The following QSER1 variants were observed in gnomAD, a reference collection of about 807,000 sequenced individuals.
QSER1 encodes the protein glutamine and serine-rich protein 1.
QSER1 carries 49 observed loss-of-function variants against 158.5 expected under a neutral mutation model. The ratio of observed to expected loss-of-function variants is 0.31; its 90% confidence interval spans 0.25 to 0.39. The LOEUF (loss-of-function observed/expected upper bound fraction) is 0.39. Among genes scored for constraint, QSER1 ranks in the 10% least tolerant of loss-of-function variants. The pLI, the probability that QSER1 is intolerant of heterozygous loss-of-function variation, is 1.00. For missense variants in QSER1, 1,754 were observed against 2,010.3 expected (o/e 0.87, Z 2.44); for synonymous variants, 650 against 715.5 (o/e 0.91, Z 1.46).
At chr11:32,973,930 G>A (rs1177318806) in intron 11 of QSER1, among the ~76,000 whole-genome samples, 2 of 152,248 alleles carry the variant, frequency 1.3e-5, no homozygotes, top group South Asian at 4.1e-4. Context: ...TGCATTACTT[G>A]TAATATAGGT....
chr11:32,904,956 T>C (rs1002550334), intron 1 of QSER1, among the ~76,000 whole-genome samples: 1 of 152,230 alleles, frequency 6.6e-6, no homozygotes, highest in East Asian at 1.9e-4. Context: ...AGCTGTGTTT[T>C]CCCCCACTTG....
intron 1 of QSER1, among the ~76,000 whole-genome samples, chr11:32,900,907 A>G (rs1851616437): frequency 6.6e-6 from 1 of 152,194 alleles, no homozygotes; most frequent in Admixed American, 6.5e-5. Flanking sequence ...TCTTCAGAGC[A>G]TTCTCACTCT....
chr11:32,932,144 A>G lies in QSER1; in HGVS notation c.886A>G (p.Ser296Gly). The G allele has an allele frequency of 1.2e-6, 2 of 1,614,172 alleles. No homozygotes were observed. Among genetic ancestry groups the G allele is most frequent in the Non-Finnish European group, 1.7e-6 (2 of 1,180,028 alleles). Reference sequence around the variant, plus strand: ...ATCCCAGCAGACTCCTCAAGCCTACAGTTCAACTCTCTTTACTAGTTCTAC... The same window carrying G: ...ATCCCAGCAGACTCCTCAAGCCTACGGTTCAACTCTCTTTACTAGTTCTAC... ...GGSQQTPQAY[S>G]STLFTSSTAS... The change falls in exon 4 of 13, where the codon AGT (serine) becomes GGT (glycine). Residue 296 changes from serine (S) to glycine (G), a missense_variant. Around this residue, in one of 2 missense-constraint regions of QSER1, gnomAD observed 1,707 missense variants for 1,919.6 expected, o/e 0.89. Coordinates refer to ENST00000650167, the MANE Select transcript of QSER1 (RefSeq NM_001076786.3).
intron 1 of QSER1, among the ~76,000 whole-genome samples, chr11:32,914,539 C>A (rs536354140): frequency 6.6e-6 from 1 of 152,288 alleles, no homozygotes; most frequent in South Asian, 2.1e-4. Context: ...TAACTTATTA[C>A]TTGTGTGCAA....
At chr11:32,972,436 T>TATTC (rs1402634054) in intron 10 of QSER1, among the ~76,000 whole-genome samples, 9 of 151,050 alleles carry the variant, frequency 6.0e-5, no homozygotes, top group African/African-American at 2.2e-4. Context: ...TTTATTTATT[T>TATTC]ATTTATTTAT....
chr11:32,960,658 A>T (rs1372350381), intron 8 of QSER1, among the ~76,000 whole-genome samples: 7 of 152,246 alleles, frequency 4.6e-5, no homozygotes. Context: ...TGCAGTTAGC[A>T]GTCTTGCCTA....
chr11:32,918,429 T>C (rs1363131302), intron 1 of QSER1, among the ~76,000 whole-genome samples: 3 of 151,616 alleles, frequency 2.0e-5, no homozygotes, highest in Non-Finnish European at 4.4e-5. Context: ...CAGGGAAATC[T>C]TGAGAGGTGA....
At position 32,925,200 on chromosome 11, in the gene QSER1, A is replaced by G. The variant is rs138630021; in HGVS notation, c.210-1957A>G. On this transcript the variant is annotated intron_variant, in intron 1 of 12. Coordinates refer to ENST00000650167, the MANE Select transcript of QSER1 (RefSeq NM_001076786.3). ...AATGTTGCAATGAACATGCAAGTCA[A>G]TGTCTTTTTGGTAGAATGACTTGTT... is the stretch of plus-strand genomic sequence containing the variant. Among the ~76,000 whole-genome samples, 3 of 152,324 alleles carry G rather than the reference A, an allele frequency of 2.0e-5. No individual in the cohort carries two copies. The East Asian group carries it at 5.8e-4, about 29-fold the overall frequency.
At chr11:32,916,978 G>T (rs943495288) in intron 1 of QSER1, among the ~76,000 whole-genome samples, 1 of 152,186 alleles carries the variant, frequency 6.6e-6, no homozygotes, top group Non-Finnish European at 1.5e-5. Flanking sequence ...GTAGAGACGG[G>T]GTTTTGCCAT....
chr11:32,922,036 C>T (rs925726335), intron 1 of QSER1, among the ~76,000 whole-genome samples: 33 of 152,080 alleles, frequency 2.2e-4, no homozygotes, highest in Admixed American at 1.7e-3. Context: ...CTGGAACCAT[C>T]GCACATTGAA....
intron 4 of QSER1, among the ~76,000 whole-genome samples, chr11:32,948,295 C>A (rs1045396269): frequency 1.3e-5 from 2 of 152,128 alleles, no homozygotes; most frequent in African/African-American, 4.8e-5. Context: ...AAGAAAATAT[C>A]GAAATTAATT....
At chr11:32,906,094 CTA>C (rs890331950) in intron 1 of QSER1, among the ~76,000 whole-genome samples, 67 of 144,472 alleles carry the variant, frequency 4.6e-4, no homozygotes, top group African/African-American at 1.6e-3. Context: ...ATAAAAAAGA[CTA>C]TTTTTTAGTT....
chr11:32,928,515 G>A (rs901385838), intron 3 of QSER1, among the ~76,000 whole-genome samples: 6 of 152,228 alleles, frequency 3.9e-5, no homozygotes, highest in Admixed American at 1.3e-4. Context: ...TTTATATAAA[G>A]TTATCCTTAA....
At chr11:32,898,858 C>T (rs1851590509) in intron 1 of QSER1, among the ~76,000 whole-genome samples, 1 of 152,234 alleles carries the variant, frequency 6.6e-6, no homozygotes. Context: ...ATGCCTCGCA[C>T]TGGCCTGTAT....
rs188075862 is a variant in QSER1, at chr11:32,935,556, A to T, written c.4177+121A>T. 3.4e-3 allele frequency: 2,413 copies of T among 706,028 alleles called. 6 individuals are homozygous for T. Among genetic ancestry groups the T allele is most frequent in the Non-Finnish European group, 4.7e-3 (2,090 of 440,516 alleles). The allele number at this position is 706,028 out of a possible 1,614,324, so 43.7% of individuals were successfully genotyped here. ...CAAGTACATTTTCAGGACAAAATGT[A>T]TAGGTAGGTATCTTAAGGACTTATT... On this transcript the variant is annotated intron_variant, in intron 4 of 12. Transcript: ENST00000650167.
chr11:32,917,117 T>G (rs1851843359), intron 1 of QSER1, among the ~76,000 whole-genome samples: 1 of 152,194 alleles, frequency 6.6e-6, no homozygotes, highest in Non-Finnish European at 1.5e-5. Flanking sequence ...TTATATGTGG[T>G]CTTTTGTGTT....
chr11:32,960,573 A>G (rs746192019), intron 8 of QSER1, among the ~76,000 whole-genome samples: 33 of 152,322 alleles, frequency 2.2e-4, no homozygotes, highest in Middle Eastern at 6.8e-3. Context: ...AAAAAAGAAA[A>G]AAGAAATATA....
At chr11:32,908,760 C>T (rs762131601) in intron 1 of QSER1, among the ~76,000 whole-genome samples, 1 of 152,098 alleles carries the variant, frequency 6.6e-6, no homozygotes, top group South Asian at 2.1e-4. Context: ...AACATGTTTC[C>T]GGTGTAAGTA....
chr11:32,907,972 C>T (rs1188919940), intron 1 of QSER1, among the ~76,000 whole-genome samples: 1 of 152,082 alleles, frequency 6.6e-6, no homozygotes, highest in Non-Finnish European at 1.5e-5. Flanking sequence ...TGGTGGCATG[C>T]ATCTGGAGTC....
Sources: gnomAD v4.1 joint callset for allele counts (sites outside exome capture counted in the v4.1 genomes callset) on GRCh38, gnomAD v4.1.1 for gene constraint, gnomAD v4.1.1 regional missense constraint, MANE v1.5 for transcripts, NCBI Gene and HGNC (gene_info 2026-07-23, HGNC 2026-07-21) for gene names.